The following MET variants were observed in gnomAD, a reference collection of about 807,000 sequenced individuals.
The protein encoded by MET is hepatocyte growth factor receptor.
MET carries 48 observed loss-of-function variants against 133.1 expected under a neutral mutation model. That is an observed-to-expected ratio of 0.36 (90% CI 0.29 to 0.46). MET has a LOEUF of 0.46. MET is among the 20% of genes least tolerant of loss of function. The probability of loss-of-function intolerance (pLI) is 1.00; values close to 1 mark genes in which losing one functional copy is unlikely to be tolerated. For synonymous variants in MET, 628 were observed against 616.5 expected (o/e 1.02, Z -0.28); for missense variants, 1,442 against 1,695.9 (o/e 0.85, Z 2.63).
chr7:116,724,900 T>G, intron 2 of MET: 5 of 1,245,964 alleles, frequency 4.0e-6, no homozygotes, highest in Non-Finnish European at 5.2e-6. Context: ...TGTTCTGAGA[T>G]TCCATGAATT....
chr7:116,785,098 C>T (rs984296386), intron 19 of MET, among the ~76,000 whole-genome samples: 6 of 152,222 alleles, frequency 3.9e-5, no homozygotes, highest in Non-Finnish European at 8.8e-5. Context: ...GACTCCATGT[C>T]TCATATCCAG....
At chr7:116,725,808 A>G (rs554586684) in intron 2 of MET, among the ~76,000 whole-genome samples, 4 of 150,706 alleles carry the variant, frequency 2.7e-5, no homozygotes, top group Admixed American at 2.6e-4. Context: ...ATTTATAGAT[A>G]CAAATGTATA....
intron 2 of MET, among the ~76,000 whole-genome samples, chr7:116,725,804 A>G (rs1584907405): frequency 6.6e-6 from 1 of 150,632 alleles, no homozygotes; most frequent in South Asian, 2.1e-4. Context: ...ATATATTTAT[A>G]GATACAAATG....
chr7:116,774,992 T>A lies in MET; in HGVS notation c.3140T>A (p.Leu1047Gln). The change falls in exon 15 of 21, where the codon CTG becomes CAG. Residue 1047 changes from leucine (L) to glutamine (Q), a missense_variant. Transcript: ENST00000397752. ...GACTCTGATATATCCAGTCCATTAC[T>A]GCAAAATACTGTCCACATTGACCTC... ...SGDSDISSPL[L>Q]QNTVHIDLSA... 6.2e-7 allele frequency: 1 copy of A among 1,614,178 alleles called. No homozygotes were observed. The highest frequency in any genetic ancestry group is 8.5e-7 in the Non-Finnish European group (1 of 1,180,020).
intron 2 of MET, among the ~76,000 whole-genome samples, chr7:116,718,243 G>T (rs780969642): frequency 2.6e-5 from 4 of 151,938 alleles, no homozygotes; most frequent in Non-Finnish European, 5.9e-5. Flanking sequence ...AAAAAAGTTA[G>T]CCAGATATGG....
At chr7:116,715,573 A>G (rs760581284) in intron 2 of MET, among the ~76,000 whole-genome samples, 31 of 152,108 alleles carry the variant, frequency 2.0e-4, no homozygotes, top group Non-Finnish European at 3.8e-4. Flanking sequence ...CCAGGTGGAC[A>G]TGAATTTTGG....
intron 18 of MET, among the ~76,000 whole-genome samples, chr7:116,782,558 G>C (rs563337977): frequency 3.3e-5 from 5 of 152,188 alleles, no homozygotes; most frequent in African/African-American, 1.2e-4. Flanking sequence ...AACTTTATTT[G>C]TGTCTGGCTG....
chr7:116,685,510 A>T (rs977151376), intron 1 of MET, among the ~76,000 whole-genome samples: 1 of 151,362 alleles, frequency 6.6e-6, no homozygotes, highest in South Asian at 2.1e-4. Context: ...ACATGGTGAA[A>T]CCCCGTCTCT....
chr7:116,751,166 C>T (rs1425360911), intron 5 of MET, among the ~76,000 whole-genome samples: 2 of 152,252 alleles, frequency 1.3e-5, no homozygotes, highest in African/African-American at 4.8e-5. Context: ...AGACTTGGAA[C>T]CAACCCAAAT....
chr7:116,783,894 C>A (rs1405368883), intron 19 of MET, among the ~76,000 whole-genome samples: 1 of 152,190 alleles, frequency 6.6e-6, no homozygotes, highest in Admixed American at 6.5e-5. Context: ...AGGGCATGAT[C>A]CCTGGGCCTA....
At chr7:116,759,574 C>G (rs1486505250) in intron 10 of MET, 84 bp downstream of exon 10, 6 of 1,467,038 alleles carry the variant, frequency 4.1e-6, no homozygotes, top group South Asian at 1.2e-5. Context: ...TGAGACATCT[C>G]AGTTTCGCCT....
chr7:116,768,372 A>G (rs185931949), intron 11 of MET, among the ~76,000 whole-genome samples: 62 of 152,258 alleles, frequency 4.1e-4, no homozygotes, highest in Non-Finnish European at 7.2e-4. Flanking sequence ...ATCCCCCTTC[A>G]GACCTAGCCA....
chr7:116,782,620 C>CAAA (rs1795190582), intron 18 of MET, among the ~76,000 whole-genome samples: 1 of 152,154 alleles, frequency 6.6e-6, no homozygotes, highest in Non-Finnish European at 1.5e-5. Flanking sequence ...TCATGTTTTC[C>CAAA]CTTGCATAGC....
At chr7:116,732,076 G>A (rs1349560405) in intron 3 of MET, among the ~76,000 whole-genome samples, 2 of 152,068 alleles carry the variant, frequency 1.3e-5, no homozygotes, top group Non-Finnish European at 2.9e-5. Context: ...GTTTGAATCT[G>A]TTTGCTTTAA....
intron 3 of MET, among the ~76,000 whole-genome samples, chr7:116,735,256 C>T (rs1445427882): frequency 2.6e-5 from 4 of 152,182 alleles, no homozygotes; most frequent in African/African-American, 9.7e-5. Flanking sequence ...GTTGTTACCA[C>T]CCACTCATCA....
At chr7:116,771,794 C>T (rs2116994909) in intron 13 of MET, 55 bp from the exon 14 acceptor site, 5 of 1,613,138 alleles carry the variant, frequency 3.1e-6, no homozygotes, top group South Asian at 1.1e-5. Context: ...GTCAAAGTCT[C>T]CTGGGGCCCA....
intron 1 of MET, among the ~76,000 whole-genome samples, chr7:116,676,449 C>G: frequency 6.6e-6 from 1 of 152,202 alleles, no homozygotes; most frequent in East Asian, 1.9e-4. Context: ...GTTCTAAAAT[C>G]TGGCATTTCC....
chr7:116,764,817 C>G (rs1326727211), intron 11 of MET, among the ~76,000 whole-genome samples: 1 of 152,142 alleles, frequency 6.6e-6, no homozygotes, highest in Non-Finnish European at 1.5e-5. Context: ...TGTATAGCAC[C>G]TGCCACGTGA....
At chr7:116,770,687 A>G (rs989168407) in intron 12 of MET, among the ~76,000 whole-genome samples, 3 of 152,086 alleles carry the variant, frequency 2.0e-5, no homozygotes, top group African/African-American at 7.2e-5. Context: ...TTGTCTTTTT[A>G]TGTGTGGCCT....
Sources: allele counts gnomAD v4.1 joint callset (sites outside exome capture counted in the v4.1 genomes callset), GRCh38; gene constraint gnomAD v4.1.1; transcripts MANE v1.5; gene names NCBI Gene and HGNC (gene_info 2026-07-23, HGNC 2026-07-21).